FAM135A: variants seen among roughly 807,000 people sequenced by gnomAD.
FAM135A encodes the protein protein FAM135A.
Under a neutral mutation model 146.8 loss-of-function variants are expected in FAM135A, and 79 were observed. The observed-to-expected ratio is 0.54, with a 90% confidence interval of 0.45 to 0.65. The LOEUF (loss-of-function observed/expected upper bound fraction) is 0.65. FAM135A is among the 30% of genes least tolerant of loss of function. The pLI, the probability that FAM135A is intolerant of heterozygous loss-of-function variation, is 0.00. For synonymous variants in FAM135A, 562 were observed against 603.6 expected, an observed-to-expected ratio of 0.93 and a Z score of 1.01; for missense variants, 1,623 against 1,758.2, an observed-to-expected ratio of 0.92 and a Z score of 1.38.
At chr6:70,543,487 T>C (rs940293040) in intron 20 of FAM135A, among the ~76,000 whole-genome samples, 3 of 152,248 alleles carry the variant, frequency 2.0e-5, no homozygotes, top group African/African-American at 4.8e-5. Flanking sequence ...AATTCTCTTA[T>C]AGATTGGGTT....
At chr6:70,434,240 G>C (rs910193424) in intron 4 of FAM135A, among the ~76,000 whole-genome samples, 1 of 152,170 alleles carries the variant, frequency 6.6e-6, no homozygotes, top group African/African-American at 2.4e-5. Context: ...ATTGCTATTT[G>C]AACACCTGTT....
At position 70,548,300 on chromosome 6, in the gene FAM135A, C is replaced by T. The variant is rs558647349; in HGVS notation, c.4229-8450C>T. 2.0e-5 allele frequency among the ~76,000 whole-genome samples: 3 copies of T among 152,226 alleles called. No homozygotes were observed. The East Asian group carries it at 5.8e-4, about 29-fold the overall frequency. ...AAAGCACAATATCAGTATTAATACA[C>T]TTTTTTTAAATAACTAGAAAACTGG... On this transcript the variant is annotated intron_variant, in intron 20 of 21. Coordinates refer to ENST00000418814, the MANE Select transcript of FAM135A (RefSeq NM_001162529.3).
chr6:70,512,350 A>G (rs911900494), intron 12 of FAM135A, among the ~76,000 whole-genome samples: 11 of 152,046 alleles, frequency 7.2e-5, no homozygotes, highest in African/African-American at 1.2e-4. Context: ...TTTTGTGAAC[A>G]TAAGTTTTTA....
At chr6:70,458,910 C>G (rs1778893197) in intron 5 of FAM135A, among the ~76,000 whole-genome samples, 4 of 152,122 alleles carry the variant, frequency 2.6e-5, no homozygotes, top group Admixed American at 2.6e-4. Context: ...CTAACGAGTT[C>G]TTACAGTGTG....
At chr6:70,445,212 T>C (rs1298490243) in intron 4 of FAM135A, among the ~76,000 whole-genome samples, 1 of 152,228 alleles carries the variant, frequency 6.6e-6, no homozygotes, top group Non-Finnish European at 1.5e-5. Context: ...GCCCATTTAC[T>C]TACTTTGTTT....
chr6:70,441,830 G>A lies in FAM135A; in HGVS notation c.78-10662G>A, dbSNP rs544209322. Among the ~76,000 whole-genome samples, 14 of 151,668 alleles carry A rather than the reference G, an allele frequency of 9.2e-5. No homozygotes were observed. In the South Asian group the frequency reaches 1.3e-3, roughly 14 times the overall value. On this transcript the variant is annotated intron_variant, in intron 4 of 21. Coordinates refer to ENST00000418814, the MANE Select transcript of FAM135A (RefSeq NM_001162529.3). ...CTCCCAAGTAGCTGGGATTACAGGCGCCCACAACCACGCCTGGCTAATTTT... is the reference window on the plus strand; with the variant it reads ...CTCCCAAGTAGCTGGGATTACAGGCACCCACAACCACGCCTGGCTAATTTT...
intron 10 of FAM135A, among the ~76,000 whole-genome samples, chr6:70,484,239 C>A (rs868301049): frequency 6.6e-6 from 1 of 152,094 alleles, no homozygotes; most frequent in Middle Eastern, 3.2e-3. Context: ...AGGAGAAATT[C>A]ACCCAGCAAA....
chr6:70,436,244 A>C (rs1204670383), intron 4 of FAM135A, among the ~76,000 whole-genome samples: 3 of 151,784 alleles, frequency 2.0e-5, no homozygotes, highest in African/African-American at 4.8e-5. Context: ...TGGTGATTGG[A>C]GCTCACAAGA....
At chr6:70,526,985 G>C (rs1006019300) in intron 15 of FAM135A, among the ~76,000 whole-genome samples, 1 of 152,016 alleles carries the variant, frequency 6.6e-6, no homozygotes, top group Non-Finnish European at 1.5e-5. Flanking sequence ...CTATAGGATA[G>C]ACATTCCTGA....
At chr6:70,515,706 C>T (rs1355075990) in intron 12 of FAM135A, among the ~76,000 whole-genome samples, 1 of 151,992 alleles carries the variant, frequency 6.6e-6, no homozygotes, top group Non-Finnish European at 1.5e-5. Flanking sequence ...ATATATTTTT[C>T]AAGCCCCATG....
chr6:70,492,195 G>T (rs1019940973), intron 11 of FAM135A, among the ~76,000 whole-genome samples: 1 of 151,634 alleles, frequency 6.6e-6, no homozygotes, highest in Non-Finnish European at 1.5e-5. Flanking sequence ...AGAATAAAAA[G>T]ACAAGTCAGA....
At chr6:70,444,362 C>G (rs976171967) in intron 4 of FAM135A, among the ~76,000 whole-genome samples, 2 of 152,062 alleles carry the variant, frequency 1.3e-5, no homozygotes, top group East Asian at 3.9e-4. Context: ...GAGATCATGC[C>G]ACTACACTCC....
Position 70,502,652 on chromosome 6 carries a change from AT to A in FAM135A, c.891del (p.Asp297GlufsTer7). On this transcript the variant is annotated frameshift_variant, in exon 12 of 22. Transcript: ENST00000418814. LOFTEE classifies it high-confidence loss of function. ...TCATTTCAGAAAATAGAGAATCCTG[AT>A]GAACTGGCAGAACTTATAAATATGA... ...CEEVKKIENP[D>X]ELAELINMNL... 6.2e-7 allele frequency: 1 copy of A among 1,609,954 alleles called. No homozygotes were observed. Among genetic ancestry groups the A allele is most frequent in the Non-Finnish European group, 8.5e-7 (1 of 1,178,472 alleles).
intron 4 of FAM135A, among the ~76,000 whole-genome samples, chr6:70,435,640 C>T (rs964290226): frequency 6.6e-6 from 1 of 152,200 alleles, no homozygotes; most frequent in East Asian, 1.9e-4. Flanking sequence ...CTGCCTCAGC[C>T]TCCTGAGTAG....
chr6:70,467,959 A>C (rs540322701), intron 5 of FAM135A, among the ~76,000 whole-genome samples: 194 of 152,170 alleles, frequency 1.3e-3, no homozygotes, highest in African/African-American at 4.4e-3. Flanking sequence ...GATAGGCCTC[A>C]GTTGTCTAAA....
intron 4 of FAM135A, among the ~76,000 whole-genome samples, chr6:70,443,695 TG>T (rs987112618): frequency 6.6e-6 from 1 of 152,266 alleles, no homozygotes; most frequent in African/African-American, 2.4e-5. Context: ...GAACTCTTTT[TG>T]CATATTTAGA....
chr6:70,537,567 C>A (rs1031707972), intron 19 of FAM135A, among the ~76,000 whole-genome samples: 1 of 152,164 alleles, frequency 6.6e-6, no homozygotes, highest in Non-Finnish European at 1.5e-5. Context: ...GAATTTCATT[C>A]TTCACTAAAC....
chr6:70,555,043 C>T (rs73746050), intron 20 of FAM135A, among the ~76,000 whole-genome samples: 2,683 of 152,304 alleles, frequency 0.018, 68 homozygotes, highest in African/African-American at 0.061. Flanking sequence ...CCATTTCTCA[C>T]TGTCATAAAC....
chr6:70,462,984 C>T (rs1171117752), intron 5 of FAM135A, among the ~76,000 whole-genome samples: 1 of 152,206 alleles, frequency 6.6e-6, no homozygotes, highest in African/African-American at 2.4e-5. Context: ...ACCAGCTTTT[C>T]AGGGCCTTCC....
Sources: allele counts gnomAD v4.1 joint callset (sites outside exome capture counted in the v4.1 genomes callset), GRCh38; gene constraint gnomAD v4.1.1; transcripts MANE v1.5; gene names NCBI Gene and HGNC (gene_info 2026-07-23, HGNC 2026-07-21).